RAB27B: variants seen among roughly 807,000 people sequenced by gnomAD.
The protein encoded by RAB27B is RAB27B, member RAS oncogene family.
A neutral mutation model predicts 24.6 loss-of-function variants in RAB27B; 15 were observed. The ratio of observed to expected loss-of-function variants is 0.61; its 90% CI spans 0.41 to 0.94. RAB27B has a LOEUF of 0.94. RAB27B is among the 40% of genes least tolerant of loss of function. The pLI, the probability that RAB27B is intolerant of heterozygous loss-of-function variation, is 0.00. For missense variants in RAB27B, 261 were observed against 266.8 expected (o/e 0.98, Z 0.15); for synonymous variants, 105 against 92.5 (o/e 1.14, Z -0.78).
chr18:54,854,384 T>C (rs542440233), intron 1 of RAB27B, among the ~76,000 whole-genome samples: 7 of 152,324 alleles, frequency 4.6e-5, no homozygotes, highest in African/African-American at 1.4e-4. Context: ...AGGATTTTCA[T>C]TGGTAGAAAT....
intron 1 of RAB27B, among the ~76,000 whole-genome samples, chr18:54,850,356 A>ATATATATATATATATATG (rs1304515980): frequency 9.3e-5 from 13 of 139,226 alleles, no homozygotes; most frequent in African/African-American, 3.3e-4. Context: ...ATATATATAT[A>ATATATATATATATATATG]TATACATACA....
chr18:54,724,599 C>T (rs553876251), intron 2 of RAB27B, among the ~76,000 whole-genome samples: 2 of 151,452 alleles, frequency 1.3e-5, no homozygotes, highest in South Asian at 2.1e-4. Flanking sequence ...TGGTGTGCTC[C>T]TGAGGTGGGA....
chr18:54,887,384 T>C (rs995789893), intron 4 of RAB27B, among the ~76,000 whole-genome samples: 3 of 152,036 alleles, frequency 2.0e-5, no homozygotes, highest in Non-Finnish European at 4.4e-5. Context: ...ACTGAATACT[T>C]ACTATGTGCT....
At chr18:54,762,214 G>C (rs2035545452) in intron 2 of RAB27B, among the ~76,000 whole-genome samples, 1 of 152,094 alleles carries the variant, frequency 6.6e-6, no homozygotes, top group South Asian at 2.1e-4. Flanking sequence ...TTTTTAGATG[G>C]AGTCTTGCTC....
intron 2 of RAB27B, among the ~76,000 whole-genome samples, chr18:54,789,387 C>T (rs1032201698): frequency 6.6e-6 from 1 of 151,906 alleles, no homozygotes; most frequent in Non-Finnish European, 1.5e-5. Flanking sequence ...ATTTAAATAA[C>T]AATTATTCCT....
chr18:54,753,698 T>C (rs1002709422), intron 2 of RAB27B, among the ~76,000 whole-genome samples: 2 of 152,220 alleles, frequency 1.3e-5, no homozygotes, highest in Non-Finnish European at 2.9e-5. Flanking sequence ...CACAGGTGCA[T>C]TTAATGTAAT....
intron 2 of RAB27B, among the ~76,000 whole-genome samples, chr18:54,797,697 C>G (rs1909468923): frequency 6.6e-6 from 1 of 152,088 alleles, no homozygotes; most frequent in Admixed American, 6.5e-5. Flanking sequence ...TGCAGAGTGA[C>G]TTATGGTCTA....
chr18:54,846,877 G>C (rs946792045), intron 1 of RAB27B, among the ~76,000 whole-genome samples: 1 of 152,116 alleles, frequency 6.6e-6, no homozygotes, highest in Non-Finnish European at 1.5e-5. Context: ...TTGAGACAGA[G>C]TCTCCCTCTG....
At chr18:54,883,306 C>T (rs1259889996) in intron 3 of RAB27B, among the ~76,000 whole-genome samples, 2 of 152,032 alleles carry the variant, frequency 1.3e-5, no homozygotes, top group Admixed American at 1.3e-4. Flanking sequence ...ATAAGATTAT[C>T]CAGTCAATGT....
intron 2 of RAB27B, among the ~76,000 whole-genome samples, chr18:54,722,748 C>G (rs1909400952): frequency 6.6e-6 from 1 of 152,192 alleles, no homozygotes; most frequent in South Asian, 2.1e-4. Context: ...TGTATTCCCC[C>G]AAGCAACTGC....
intron 1 of RAB27B, among the ~76,000 whole-genome samples, chr18:54,848,440 C>G (rs753423786): frequency 2.0e-5 from 3 of 152,156 alleles, no homozygotes; most frequent in Non-Finnish European, 4.4e-5. Context: ...TCTATTTCCC[C>G]AGACTACAGG....
At chr18:54,783,593 A>G (rs1450965842) in intron 2 of RAB27B, among the ~76,000 whole-genome samples, 1 of 151,890 alleles carries the variant, frequency 6.6e-6, no homozygotes, top group Non-Finnish European at 1.5e-5. Context: ...ATTACATATG[A>G]TTGTAACAAA....
chr18:54,868,088 C>T (rs117150289), intron 1 of RAB27B, among the ~76,000 whole-genome samples: 1 of 152,204 alleles, frequency 6.6e-6, no homozygotes, highest in East Asian at 1.9e-4. Context: ...GTCTTTGTGA[C>T]AGTGAGTGTG....
At chr18:54,811,561 G>A (rs1401964360) in intron 2 of RAB27B, among the ~76,000 whole-genome samples, 2 of 152,040 alleles carry the variant, frequency 1.3e-5, no homozygotes, top group African/African-American at 2.4e-5. Flanking sequence ...AGTCTGGCTC[G>A]GTGAATCTGC....
intron 1 of RAB27B, among the ~76,000 whole-genome samples, chr18:54,876,033 T>C (rs1486769513): frequency 2.0e-5 from 3 of 152,174 alleles, no homozygotes; most frequent in East Asian, 3.8e-4. Flanking sequence ...AGAGGTTTAA[T>C]TGACTCACAG....
At chr18:54,779,958 C>G (rs760628382) in intron 2 of RAB27B, among the ~76,000 whole-genome samples, 50 of 75,576 alleles carry the variant, frequency 6.6e-4, no homozygotes, top group South Asian at 5.6e-3. Flanking sequence ...CCTCTCCTGA[C>G]GGCTTCCTCC....
At chr18:54,721,216 C>T (rs1256040341) in intron 2 of RAB27B, among the ~76,000 whole-genome samples, 2 of 152,138 alleles carry the variant, frequency 1.3e-5, no homozygotes, top group East Asian at 3.8e-4. Flanking sequence ...GACACATACG[C>T]AATGTGTTCA....
intron 1 of RAB27B, among the ~76,000 whole-genome samples, chr18:54,831,601 T>C (rs1328540648): frequency 6.6e-6 from 1 of 152,184 alleles, no homozygotes; most frequent in Non-Finnish European, 1.5e-5. Flanking sequence ...TCTGCTGTCA[T>C]GGACATTATA....
At chr18:54,737,857 T>TA (rs1354399181) in intron 2 of RAB27B, among the ~76,000 whole-genome samples, 1 of 152,202 alleles carries the variant, frequency 6.6e-6, no homozygotes. Context: ...TCATTTATAA[T>TA]ATGTTCAACT....
Sources: gnomAD v4.1 joint callset for allele counts (sites outside exome capture counted in the v4.1 genomes callset) on GRCh38, gnomAD v4.1.1 for gene constraint, MANE v1.5 for transcripts, NCBI Gene and HGNC (gene_info 2026-07-23, HGNC 2026-07-21) for gene names.